Variants in BOLL observed in about 807,000 individuals in gnomAD.
BOLL encodes the protein protein boule-like.
In BOLL, 23 loss-of-function variants were observed where a neutral mutation model predicts 44.4. The ratio of observed to expected loss-of-function variants is 0.52; its 90% CI spans 0.37 to 0.73. BOLL has a LOEUF of 0.73. BOLL is among the 30% of genes least tolerant of loss of function. The pLI is 0.00. For missense variants in BOLL, 287 were observed against 338.3 expected, an observed-to-expected ratio of 0.85 and a Z score of 1.19; for synonymous variants, 97 against 110.8, an observed-to-expected ratio of 0.88 and a Z score of 0.78.
At chr2:197,740,847 A>G (rs1559394067) in intron 10 of BOLL, among the ~76,000 whole-genome samples, 2 of 152,168 alleles carry the variant, frequency 1.3e-5, no homozygotes, top group Non-Finnish European at 1.5e-5. Flanking sequence ...AATGTAATTA[A>G]TGCCACTGAA....
chr2:197,771,063 G>C (rs1440147214), intron 6 of BOLL, among the ~76,000 whole-genome samples: 1 of 152,020 alleles, frequency 6.6e-6, no homozygotes, highest in Non-Finnish European at 1.5e-5. Context: ...GTTTACTGCG[G>C]CACTATTCAC....
chr2:197,767,966 C>T lies in BOLL; in HGVS notation c.481-1363G>A, dbSNP rs116180174. On this transcript the variant is annotated intron_variant, in intron 6 of 10. Coordinates refer to ENST00000392296, the MANE Select transcript of BOLL (RefSeq NM_033030.6). ...AGCAGAGACATGGTCAGTGCAAAAA[C>T]TCCAGGAAAAAAAGAAGTGAAAGAA... 5.0e-3 allele frequency among the ~76,000 whole-genome samples: 755 copies of T among 151,864 alleles called. 2 individuals are homozygous for T. Among genetic ancestry groups the T allele is most frequent in the African/African-American group, 0.017 (715 of 41,458 alleles).
intron 1 of BOLL, among the ~76,000 whole-genome samples, chr2:197,784,391 CATATATATATATATATATATATATATAT>C (rs60865376): frequency 0.026 from 1,407 of 55,002 alleles, 92 homozygotes; most frequent in African/African-American, 0.1. Context: ...CAGTCTAATA[CATATATATATATATATATATATATATAT>C]ATATATATAT....
intron 10 of BOLL, among the ~76,000 whole-genome samples, chr2:197,729,707 ACACCT>A (rs1224883701): frequency 6.6e-6 from 1 of 152,196 alleles, no homozygotes; most frequent in Non-Finnish European, 1.5e-5. Context: ...GGGCACACTG[ACACCT>A]CACAGGGCAG....
Position 197,779,081 on chromosome 2 carries a change from A to C in BOLL, c.130-15T>G, listed in dbSNP as rs777311633. 6.4e-7 allele frequency: 1 copy of C among 1,570,762 alleles called. No homozygotes were observed. The highest frequency in any genetic ancestry group is 1.4e-5 in the African/African-American group (1 of 73,684). On this transcript the variant is annotated splice_polypyrimidine_tract_variant and intron_variant, in intron 2 of 10. Transcript: ENST00000392296. ...CTTTCGTTTGTCTAATGGCATAAAA[A>C]GAAAACGTTAAAAAGCATTTTTAGT...
intron 10 of BOLL, among the ~76,000 whole-genome samples, chr2:197,737,854 A>C (rs192833729): frequency 6.6e-5 from 10 of 152,238 alleles, no homozygotes; most frequent in Admixed American, 3.3e-4. Context: ...TGTGTTTTTC[A>C]TTTAAGTCCA....
rs145750000 is a variant in BOLL, at chr2:197,762,300, T to A, written c.552+4232A>T. Among the ~76,000 whole-genome samples, 901 of 152,182 alleles carry A rather than the reference T, an allele frequency of 5.9e-3. 14 individuals are homozygous for A. The highest frequency in any genetic ancestry group is 0.02 in the African/African-American group (842 of 41,532). The stretch of plus-strand genomic sequence containing the variant: ...CGGAGGTTGCAGTGAGCCGAGATCA[T>A]GCCATTGCACTTTAGCCTGGGTGAC... On this transcript the variant is annotated intron_variant, in intron 7 of 10. Coordinates refer to ENST00000392296, the MANE Select transcript of BOLL (RefSeq NM_033030.6).
chr2:197,779,876 G>C (rs1689688070), intron 2 of BOLL, among the ~76,000 whole-genome samples: 1 of 151,772 alleles, frequency 6.6e-6, no homozygotes, highest in Admixed American at 6.6e-5. Flanking sequence ...CTTTTCTCTA[G>C]AAAAAAATTT....
chr2:197,729,665 A>C (rs549091865), intron 10 of BOLL, among the ~76,000 whole-genome samples: 1 of 151,904 alleles, frequency 6.6e-6, no homozygotes, highest in Non-Finnish European at 1.5e-5. Context: ...CCTGACCCCC[A>C]AGCAGCCTAA....
At position 197,744,262 on chromosome 2, in the gene BOLL, G is replaced by A. The variant is rs1229425809; in HGVS notation, c.730-1103C>T. ...AGTGCAGTCTAAAACTCAGGAGTGA[G>A]ACGGAGGCTAGATATATGGCTATGG... is the stretch of plus-strand genomic sequence containing the variant. On this transcript the variant is annotated intron_variant, in intron 9 of 10. Coordinates refer to ENST00000392296, the MANE Select transcript of BOLL (RefSeq NM_033030.6). Among the ~76,000 whole-genome samples the A allele has an allele frequency of 2.6e-5, 4 of 152,196 alleles. No homozygotes were observed. The South Asian group carries it at 8.3e-4, about 32-fold the overall frequency.
intron 9 of BOLL, among the ~76,000 whole-genome samples, chr2:197,754,840 C>T (rs1688437424): frequency 1.3e-5 from 2 of 152,142 alleles, no homozygotes; most frequent in South Asian, 4.2e-4. Flanking sequence ...CAGGCACGGG[C>T]AAAGACTTCA....
chr2:197,729,617 A>C (rs533569016), intron 10 of BOLL, among the ~76,000 whole-genome samples: 1 of 152,200 alleles, frequency 6.6e-6, no homozygotes, highest in African/African-American at 2.4e-5. Flanking sequence ...TGGAGATCTG[A>C]GAACGGGCAG....
At chr2:197,732,518 T>G (rs1347924892) in intron 10 of BOLL, among the ~76,000 whole-genome samples, 1 of 151,964 alleles carries the variant, frequency 6.6e-6, no homozygotes, top group Non-Finnish European at 1.5e-5. Flanking sequence ...AAAAGAGAAT[T>G]TTAGACCAAT....
chr2:197,772,268 A>G (rs1689301760), intron 5 of BOLL, among the ~76,000 whole-genome samples: 2 of 152,094 alleles, frequency 1.3e-5, no homozygotes, highest in African/African-American at 2.4e-5. Context: ...CAACACCAGT[A>G]TGCTACACAA....
chr2:197,763,029 GAA>G (rs1288962783), intron 7 of BOLL, among the ~76,000 whole-genome samples: 1 of 152,036 alleles, frequency 6.6e-6, no homozygotes, highest in Non-Finnish European at 1.5e-5. Context: ...AATCAGCAAT[GAA>G]AAAGACACCA....
intron 10 of BOLL, among the ~76,000 whole-genome samples, chr2:197,731,753 T>C (rs1462931187): frequency 6.6e-6 from 1 of 151,834 alleles, no homozygotes; most frequent in Non-Finnish European, 1.5e-5. Flanking sequence ...ATAAAGATGT[T>C]CTTTGAAACC....
intron 10 of BOLL, among the ~76,000 whole-genome samples, chr2:197,736,006 T>G (rs700642): frequency 0.72 from 109,816 of 151,970 alleles, 40,866 homozygotes; most frequent in African/African-American, 0.9. Context: ...TAAGAGACCA[T>G]CGAACTTTTT....
chr2:197,749,381 G>T (rs750145498), intron 9 of BOLL, among the ~76,000 whole-genome samples: 78 of 152,092 alleles, frequency 5.1e-4, no homozygotes, highest in South Asian at 1.2e-3. Flanking sequence ...ACTGGACGGA[G>T]AATGAGTTTG....
At chr2:197,739,267 T>C (rs1687632569) in intron 10 of BOLL, among the ~76,000 whole-genome samples, 1 of 152,188 alleles carries the variant, frequency 6.6e-6, no homozygotes, top group Admixed American at 6.6e-5. Flanking sequence ...TTATTATTTT[T>C]TTATTTTAGA....
Sources: allele counts gnomAD v4.1 joint callset (sites outside exome capture counted in the v4.1 genomes callset), GRCh38; gene constraint gnomAD v4.1.1; transcripts MANE v1.5; gene names NCBI Gene and HGNC (gene_info 2026-07-23, HGNC 2026-07-21).